Variants in STAM observed in about 807,000 individuals in gnomAD.
STAM encodes signal transducing adapter molecule 1.
In STAM, 16 loss-of-function variants were observed where a neutral mutation model predicts 63.4. The observed-to-expected ratio is 0.25, with a 90% confidence interval of 0.17 to 0.38. The LOEUF (loss-of-function observed/expected upper bound fraction) is 0.38, where lower values mean the gene tolerates loss of function less well. STAM is among the 10% of genes least tolerant of loss of function. The pLI, the probability that STAM is intolerant of heterozygous loss-of-function variation, is 1.00. For synonymous variants in STAM, 238 were observed against 223.9 expected (o/e 1.06, Z -0.56); for missense variants, 636 against 657.1 (o/e 0.97, Z 0.35).
intron 8 of STAM, among the ~76,000 whole-genome samples, chr10:17,699,393 G>A (rs1158306027): frequency 6.6e-6 from 1 of 152,030 alleles, no homozygotes. Flanking sequence ...ATTGATGCAA[G>A]GATTAAAAAT....
chr10:17,691,293 TG>T (rs1835522219), intron 5 of STAM, among the ~76,000 whole-genome samples: 1 of 152,020 alleles, frequency 6.6e-6, no homozygotes, highest in Non-Finnish European at 1.5e-5. Context: ...CCGAGGCGGG[TG>T]GGTCACGAGG....
At chr10:17,687,758 G>C (rs1835354688) in intron 4 of STAM, among the ~76,000 whole-genome samples, 1 of 152,100 alleles carries the variant, frequency 6.6e-6, no homozygotes, top group Non-Finnish European at 1.5e-5. Flanking sequence ...TACAAACCTT[G>C]CTTCGTTGCA....
At chr10:17,680,389 T>C (rs1835033800) in intron 2 of STAM, among the ~76,000 whole-genome samples, 1 of 151,868 alleles carries the variant, frequency 6.6e-6, no homozygotes, top group East Asian at 1.9e-4. Context: ...ACCACCATTC[T>C]ACTTTCTGTC....
intron 1 of STAM, among the ~76,000 whole-genome samples, chr10:17,646,437 C>G (rs1554820845): frequency 6.6e-6 from 1 of 152,192 alleles, no homozygotes; most frequent in Non-Finnish European, 1.5e-5. Context: ...TTACAAAATC[C>G]TCTAACTTAT....
intron 2 of STAM, 139 bp downstream of exon 2, chr10:17,660,687 G>A: frequency 1.8e-6 from 1 of 546,906 alleles, no homozygotes. Flanking sequence ...GGAGTTAGAG[G>A]CTGCAGTGTG....
intron 1 of STAM, among the ~76,000 whole-genome samples, chr10:17,649,423 T>C (rs868976575): frequency 7.3e-5 from 11 of 151,322 alleles, no homozygotes; most frequent in Middle Eastern, 3.2e-3. Context: ...TTAAAAAAAA[T>C]GCATCTTTAC....
chr10:17,708,913 A>G lies in STAM; in HGVS notation c.1347A>G (p.Pro449=). 1 of 1,614,138 alleles carries G rather than the reference A, an allele frequency of 6.2e-7. No individual in the cohort carries two copies. Among genetic ancestry groups the G allele is most frequent in the South Asian group, 1.1e-5 (1 of 91,086 alleles). ...CAGTGGTCCCACCATCCGCAAACCC[A>G]GCCCTTCCTAGTCAGCAGACTCAGG... The part of the protein sequence containing the change: ...SQAVVPPSAN[P]ALPSQQTQAA... The change falls in exon 13 of 14, where the codon CCA becomes CCG. Residue 449 remains proline (P), a synonymous_variant. Transcript: ENST00000377524.
chr10:17,704,865 C>T lies in STAM; in HGVS notation c.1001-105C>T, dbSNP rs576965973. The T allele has an allele frequency of 2.1e-5, 21 of 995,966 alleles. No homozygotes were observed. In the African/African-American group the frequency reaches 3.3e-4, roughly 16 times the overall value. 61.7% of individuals were successfully genotyped at this position (995,966 alleles called of 1,614,324 possible). A position where few individuals can be genotyped will look rare whatever the true frequency, so the allele number is the denominator to read the frequency against. On this transcript the variant is annotated intron_variant, in intron 10 of 13. Coordinates refer to ENST00000377524, the MANE Select transcript of STAM (RefSeq NM_003473.4). ...GGTTAAAGAATGTATATTTTTATTA[C>T]TCCAAATTAAATCTTTTATTCCTTA...
intron 2 of STAM, among the ~76,000 whole-genome samples, chr10:17,678,871 CAT>C (rs1299893720): frequency 3.9e-5 from 6 of 152,192 alleles, no homozygotes; most frequent in East Asian, 1.9e-4. Context: ...GAAGTGGAAA[CAT>C]AGAATTTTTT....
intron 2 of STAM, among the ~76,000 whole-genome samples, chr10:17,665,150 T>C (rs546641665): frequency 1.6e-3 from 232 of 147,318 alleles, no homozygotes; most frequent in South Asian, 0.011. Context: ...GAAACATGGC[T>C]CTCAGTGGTG....
intron 2 of STAM, among the ~76,000 whole-genome samples, chr10:17,677,773 T>C (rs1345742144): frequency 6.6e-6 from 1 of 152,160 alleles, no homozygotes; most frequent in Non-Finnish European, 1.5e-5. Flanking sequence ...ACCATGCTCT[T>C]TAGGTGGAAG....
At chr10:17,657,752 G>T (rs1053614768) in intron 1 of STAM, among the ~76,000 whole-genome samples, 2 of 151,728 alleles carry the variant, frequency 1.3e-5, no homozygotes, top group Non-Finnish European at 2.9e-5. Flanking sequence ...GCATAGAGTT[G>T]TTCATAATAT....
intron 2 of STAM, among the ~76,000 whole-genome samples, chr10:17,677,456 C>T (rs1472178537): frequency 6.6e-6 from 1 of 151,998 alleles, no homozygotes; most frequent in East Asian, 1.9e-4. Context: ...TTATATCTGG[C>T]CTTTACCATG....
chr10:17,664,843 C>T lies in STAM; in HGVS notation c.125+4295C>T, dbSNP rs188890564. On this transcript the variant is annotated intron_variant, in intron 2 of 13. Coordinates refer to ENST00000377524, the MANE Select transcript of STAM (RefSeq NM_003473.4). ...CTGAAATTTTGTAAAGTGCGGCGAT[C>T]TTTTTAAGAGGACAGATTCAGAGAT... Among the ~76,000 whole-genome samples, 302 of 152,166 alleles carry T rather than the reference C, an allele frequency of 2.0e-3. 1 individual carries two copies. The highest frequency in any genetic ancestry group is 6.9e-3 in the African/African-American group (285 of 41,528).
chr10:17,645,399 C>T (rs565645014), intron 1 of STAM, among the ~76,000 whole-genome samples: 7 of 152,248 alleles, frequency 4.6e-5, no homozygotes, highest in African/African-American at 1.7e-4. Flanking sequence ...TTCCTTAGAG[C>T]ATGTCACTGA....
chr10:17,664,624 G>A (rs1554823212), intron 2 of STAM, among the ~76,000 whole-genome samples: 2 of 152,146 alleles, frequency 1.3e-5, no homozygotes, highest in East Asian at 3.8e-4. Flanking sequence ...AATACCTGAT[G>A]TGCTTTAGAG....
At chr10:17,702,747 C>T (rs554203184) in intron 9 of STAM, among the ~76,000 whole-genome samples, 3 of 152,242 alleles carry the variant, frequency 2.0e-5, no homozygotes, top group African/African-American at 4.8e-5. Flanking sequence ...CAGTGGCTCT[C>T]GCCTGTAATC....
At chr10:17,657,720 A>G (rs1329604898) in intron 1 of STAM, among the ~76,000 whole-genome samples, 1 of 152,174 alleles carries the variant, frequency 6.6e-6, no homozygotes, top group Non-Finnish European at 1.5e-5. Context: ...GGTCCATTTC[A>G]TCTAGGTTAT....
intron 1 of STAM, among the ~76,000 whole-genome samples, chr10:17,647,829 G>C (rs1833577408): frequency 6.6e-6 from 1 of 152,226 alleles, no homozygotes; most frequent in African/African-American, 2.4e-5. Flanking sequence ...AGCGTATTCT[G>C]GTGACTCCTG....
Sources: gnomAD v4.1 joint callset for allele counts (sites outside exome capture counted in the v4.1 genomes callset) on GRCh38, gnomAD v4.1.1 for gene constraint, MANE v1.5 for transcripts, NCBI Gene and HGNC (gene_info 2026-07-23, HGNC 2026-07-21) for gene names.